The following ADGRL2 variants were observed in gnomAD, a reference collection of about 807,000 sequenced individuals.
ADGRL2 encodes adhesion G protein-coupled receptor L2, also known as calcium-independent alpha-latrotoxin receptor 2.
A neutral mutation model predicts 157.4 loss-of-function variants in ADGRL2; 44 were observed. The ratio of observed to expected loss-of-function variants is 0.28; its 90% CI spans 0.22 to 0.36. The LOEUF is 0.36. Among genes scored for constraint, ADGRL2 ranks in the 10% least tolerant of loss-of-function variants. The pLI is 1.00. For synonymous variants in ADGRL2, 585 were observed against 624.7 expected (o/e 0.94, Z 0.95); for missense variants, 1,510 against 1,768.9 (o/e 0.85, Z 2.63).
At chr1:81,987,071 A>G in intron 22 of ADGRL2, 42 bp downstream of exon 22, 1 of 1,600,404 alleles carries the variant, frequency 6.2e-7, no homozygotes, top group Non-Finnish European at 8.5e-7. Context: ...CTTTGCTGCT[A>G]AACAGAGCTA....
chr1:81,870,666 A>T (rs2093667608), intron 2 of ADGRL2, among the ~76,000 whole-genome samples: 1 of 152,144 alleles, frequency 6.6e-6, no homozygotes, highest in Non-Finnish European at 1.5e-5. Flanking sequence ...AAGTATTATG[A>T]AACTACCAAG....
chr1:81,847,759 T>A (rs2092847172), intron 2 of ADGRL2, among the ~76,000 whole-genome samples: 1 of 151,958 alleles, frequency 6.6e-6, no homozygotes, highest in African/African-American at 2.4e-5. Flanking sequence ...ACAGAAACAG[T>A]GTTTTTAACA....
At chr1:81,436,108 A>C (rs1234015749) in intron 1 of ADGRL2, among the ~76,000 whole-genome samples, 2 of 152,190 alleles carry the variant, frequency 1.3e-5, no homozygotes, top group African/African-American at 4.8e-5. Flanking sequence ...AAAAATAAAA[A>C]AGAATCATAC....
At chr1:81,377,169 C>T (rs12406535) in intron 1 of ADGRL2, among the ~76,000 whole-genome samples, 87,724 of 151,834 alleles carry the variant, frequency 0.58, 26,187 homozygotes, top group East Asian at 0.94. Context: ...AGAAAGACTG[C>T]CTGAAAAAGG....
chr1:81,468,478 A>G, intron 2 of ADGRL2, among the ~76,000 whole-genome samples: 1 of 152,344 alleles, frequency 6.6e-6, no homozygotes, highest in East Asian at 1.9e-4. Flanking sequence ...ATTTTTAAAT[A>G]AAAGTTGATT....
intron 2 of ADGRL2, among the ~76,000 whole-genome samples, chr1:81,883,994 CTTTT>C (rs11330228): frequency 6.9e-6 from 1 of 145,072 alleles, no homozygotes. Context: ...ATGAAATTGT[CTTTT>C]TTTTTTTTTT....
intron 1 of ADGRL2, chr1:81,722,812 C>T (rs2084378853): frequency 2.8e-6 from 2 of 713,386 alleles, no homozygotes; most frequent in African/African-American, 1.7e-5. Context: ...GTCAGAAGCT[C>T]ACTATGGCTC....
intron 2 of ADGRL2, among the ~76,000 whole-genome samples, chr1:81,769,879 T>A (rs952044236): frequency 6.6e-6 from 1 of 152,064 alleles, no homozygotes; most frequent in African/African-American, 2.4e-5. Flanking sequence ...TTTTTCTTTT[T>A]TTGAGATGGA....
At chr1:81,597,733 A>G (rs1287732809) in intron 3 of ADGRL2, among the ~76,000 whole-genome samples, 3 of 152,208 alleles carry the variant, frequency 2.0e-5, no homozygotes, top group East Asian at 1.9e-4. Flanking sequence ...TCAGAAATGC[A>G]TTTCATACCC....
intron 2 of ADGRL2, among the ~76,000 whole-genome samples, chr1:81,447,132 T>C (rs1404163018): frequency 2.0e-5 from 3 of 152,136 alleles, no homozygotes; most frequent in Non-Finnish European, 4.4e-5. Context: ...AGTGATATTG[T>C]GAAGCGCATA....
intron 2 of ADGRL2, among the ~76,000 whole-genome samples, chr1:81,856,082 G>A (rs1250619186): frequency 6.6e-6 from 1 of 152,116 alleles, no homozygotes; most frequent in Non-Finnish European, 1.5e-5. Flanking sequence ...TTGGAAGGTG[G>A]TGTGGAAACT....
chr1:81,497,274 G>C (rs1182783008), intron 2 of ADGRL2, among the ~76,000 whole-genome samples: 1 of 152,138 alleles, frequency 6.6e-6, no homozygotes, highest in African/African-American at 2.4e-5. Flanking sequence ...AAATGCATTT[G>C]CTCCAGGCGC....
At chr1:81,310,953 C>A (rs1022204005) in intron 1 of ADGRL2, among the ~76,000 whole-genome samples, 19 of 152,050 alleles carry the variant, frequency 1.2e-4, no homozygotes, top group Admixed American at 9.2e-4. Flanking sequence ...GACCTACAAC[C>A]ATTTGAAGAA....
At chr1:81,573,564 A>G (rs2080737931) in intron 2 of ADGRL2, among the ~76,000 whole-genome samples, 1 of 152,204 alleles carries the variant, frequency 6.6e-6, no homozygotes, top group African/African-American at 2.4e-5. Context: ...ATAGTGAAGT[A>G]GGCAGCTCAT....
chr1:81,661,959 G>C (rs912498662), intron 3 of ADGRL2, among the ~76,000 whole-genome samples: 4 of 152,038 alleles, frequency 2.6e-5, no homozygotes, highest in African/African-American at 4.8e-5. Context: ...TAGAGTACAG[G>C]AGAGAAAAGT....
At chr1:81,808,477 T>G (rs2089446659) in intron 1 of ADGRL2, among the ~76,000 whole-genome samples, 1 of 152,010 alleles carries the variant, frequency 6.6e-6, no homozygotes, top group Admixed American at 6.6e-5. Context: ...CATTTTTGTT[T>G]TGTTTTTATG....
At chr1:81,326,125 A>C (rs1660880949) in intron 1 of ADGRL2, among the ~76,000 whole-genome samples, 1 of 152,204 alleles carries the variant, frequency 6.6e-6, no homozygotes, top group South Asian at 2.1e-4. Context: ...GAGTGGGAGA[A>C]AGAATCAGCC....
At chr1:81,778,367 A>G (rs2086681428) in intron 2 of ADGRL2, among the ~76,000 whole-genome samples, 1 of 151,920 alleles carries the variant, frequency 6.6e-6, no homozygotes, top group Admixed American at 6.6e-5. Context: ...GTATTTCTCC[A>G]TCTTGTTCAC....
intron 1 of ADGRL2, among the ~76,000 whole-genome samples, chr1:81,365,510 T>C (rs1570735846): frequency 6.6e-6 from 1 of 152,184 alleles, no homozygotes; most frequent in South Asian, 2.1e-4. Flanking sequence ...ACTTCTGTTA[T>C]GCTTATTTCT....
Sources: gnomAD v4.1 joint callset for allele counts (sites outside exome capture counted in the v4.1 genomes callset) on GRCh38, gnomAD v4.1.1 for gene constraint, MANE v1.5 for transcripts, NCBI Gene and HGNC (gene_info 2026-07-23, HGNC 2026-07-21) for gene names.